Variants in TOX observed in about 807,000 individuals in gnomAD.
The protein encoded by TOX is thymocyte selection-associated high mobility group box protein TOX.
In TOX, 11 loss-of-function variants were observed where a neutral mutation model predicts 53.7. That is an observed-to-expected ratio of 0.20 (90% CI 0.13 to 0.34). The LOEUF (loss-of-function observed/expected upper bound fraction) is 0.34, where lower values mean the gene tolerates loss of function less well. TOX is among the 10% of genes least tolerant of loss of function. The probability of loss-of-function intolerance (pLI) is 1.00; values close to 1 mark genes in which losing one functional copy is unlikely to be tolerated. For synonymous variants in TOX, 225 were observed against 245.3 expected (o/e 0.92, Z 0.77); for missense variants, 570 against 664.6 (o/e 0.86, Z 1.56).
chr8:58,935,913 TACATATTTGTGG>T (rs1298709252), intron 3 of TOX, among the ~76,000 whole-genome samples: 1 of 152,230 alleles, frequency 6.6e-6, no homozygotes, highest in African/African-American at 2.4e-5. Context: ...TTTAGATCCA[TACATATTTGTGG>T]ATGCAAAAAT....
chr8:58,905,223 G>A (rs1295730832), intron 3 of TOX, among the ~76,000 whole-genome samples: 8 of 152,204 alleles, frequency 5.3e-5, no homozygotes, highest in African/African-American at 1.9e-4. Flanking sequence ...GAGCCACCGT[G>A]CCTGGCCCAA....
intron 2 of TOX, among the ~76,000 whole-genome samples, chr8:58,940,941 T>G (rs968396643): frequency 2.0e-5 from 3 of 152,194 alleles, no homozygotes; most frequent in African/African-American, 7.2e-5. Context: ...ATCTGGAATT[T>G]AGACCTGGTC....
intron 4 of TOX, among the ~76,000 whole-genome samples, chr8:58,841,837 TCAA>T (rs1346802468): frequency 1.3e-5 from 2 of 152,226 alleles, no homozygotes; most frequent in African/African-American, 2.4e-5. Flanking sequence ...TCATATTTCA[TCAA>T]CGATTGAGAG....
intron 3 of TOX, among the ~76,000 whole-genome samples, chr8:58,879,021 A>G (rs181868013): frequency 2.0e-5 from 3 of 150,146 alleles, no homozygotes; most frequent in Non-Finnish European, 2.9e-5. Flanking sequence ...AGATCATGCC[A>G]CTGCACTCCA....
In TOX at chr8:59,048,972, A is replaced by G. The variant is rs935396107; in HGVS notation, c.102+69914T>C. ...AATGTATTTTCGAAAAAATGTTCAA[A>G]TTTACTCAAAGACATTTAAAATTAG... On this transcript the variant is annotated intron_variant, in intron 1 of 8. Coordinates refer to ENST00000361421, the MANE Select transcript of TOX (RefSeq NM_014729.3). 7.9e-5 allele frequency among the ~76,000 whole-genome samples: 12 copies of G among 152,192 alleles called. 1 individual carries two copies. Among genetic ancestry groups the G allele is most frequent in the Admixed American group, 6.5e-4 (10 of 15,280 alleles).
intron 1 of TOX, among the ~76,000 whole-genome samples, chr8:59,115,743 C>T (rs1805088963): frequency 6.6e-6 from 1 of 152,152 alleles, no homozygotes; most frequent in Non-Finnish European, 1.5e-5. Context: ...ACATGCCATC[C>T]GTTCTGGCTG....
chr8:58,992,328 C>A (rs894023150), intron 1 of TOX, among the ~76,000 whole-genome samples: 20 of 152,074 alleles, frequency 1.3e-4, no homozygotes, highest in Non-Finnish European at 8.8e-5. Context: ...GCTTGCTGCA[C>A]GTAGAAATGC....
chr8:58,913,648 TA>T (rs1811947191), intron 3 of TOX, among the ~76,000 whole-genome samples: 1 of 152,234 alleles, frequency 6.6e-6, no homozygotes, highest in African/African-American at 2.4e-5. Flanking sequence ...GTCTGTTTCA[TA>T]AAATTTTTTA....
intron 3 of TOX, among the ~76,000 whole-genome samples, chr8:58,891,015 T>C (rs2129171880): frequency 6.6e-6 from 1 of 152,178 alleles, no homozygotes; most frequent in Middle Eastern, 3.4e-3. Flanking sequence ...TCTGAGGTGC[T>C]CCCTTCCTCT....
intron 1 of TOX, among the ~76,000 whole-genome samples, chr8:58,984,338 A>G (rs1355004253): frequency 6.6e-6 from 1 of 152,218 alleles, no homozygotes; most frequent in Non-Finnish European, 1.5e-5. Flanking sequence ...CAACCTGATT[A>G]GAAAATGGGT....
At chr8:58,997,988 T>G (rs1008930714) in intron 1 of TOX, among the ~76,000 whole-genome samples, 2 of 152,006 alleles carry the variant, frequency 1.3e-5, no homozygotes, top group Non-Finnish European at 2.9e-5. Flanking sequence ...GAGACGGGTT[T>G]TCACCATGTT....
chr8:58,961,789 G>A (rs900977729), intron 1 of TOX, among the ~76,000 whole-genome samples: 3 of 152,158 alleles, frequency 2.0e-5, no homozygotes, highest in Admixed American at 2.0e-4. Flanking sequence ...TTGCAGGCAT[G>A]AGCCACCATG....
intron 1 of TOX, among the ~76,000 whole-genome samples, chr8:58,990,185 G>A (rs1039547371): frequency 1.3e-5 from 2 of 152,204 alleles, no homozygotes; most frequent in Non-Finnish European, 2.9e-5. Context: ...CTGAGGCACA[G>A]AGCAGGTAAA....
chr8:59,084,523 A>T (rs1804474201), intron 1 of TOX, among the ~76,000 whole-genome samples: 2 of 152,208 alleles, frequency 1.3e-5, no homozygotes, highest in Admixed American at 6.5e-5. Flanking sequence ...CATTCTCGAT[A>T]TCTTTTACTT....
At chr8:59,069,021 T>C (rs371252938) in intron 1 of TOX, among the ~76,000 whole-genome samples, 5 of 152,098 alleles carry the variant, frequency 3.3e-5, no homozygotes, top group South Asian at 2.1e-4. Context: ...GCAAGGCTCA[T>C]GAAGGTTCAA....
At chr8:58,964,267 T>G (rs1308370661) in intron 1 of TOX, among the ~76,000 whole-genome samples, 2 of 152,184 alleles carry the variant, frequency 1.3e-5, no homozygotes, top group Admixed American at 6.5e-5. Flanking sequence ...ATGCCCTCTC[T>G]CCAAAGAATC....
chr8:58,969,115 G>A (rs1812955738), intron 1 of TOX, among the ~76,000 whole-genome samples: 1 of 152,114 alleles, frequency 6.6e-6, no homozygotes, highest in African/African-American at 2.4e-5. Flanking sequence ...TAGACTTTTG[G>A]TGATTAAACT....
chr8:59,072,590 C>T (rs1804216375), intron 1 of TOX, among the ~76,000 whole-genome samples: 1 of 152,198 alleles, frequency 6.6e-6, no homozygotes, highest in African/African-American at 2.4e-5. Context: ...TTCCCCTGAA[C>T]ATAGCCACGT....
chr8:59,050,421 T>C (rs995478681), intron 1 of TOX, among the ~76,000 whole-genome samples: 4 of 152,098 alleles, frequency 2.6e-5, no homozygotes, highest in African/African-American at 9.6e-5. Flanking sequence ...ACTCCACATA[T>C]GCCATTAACT....
Sources: gnomAD v4.1 joint callset for allele counts (sites outside exome capture counted in the v4.1 genomes callset) on GRCh38, gnomAD v4.1.1 for gene constraint, MANE v1.5 for transcripts, NCBI Gene and HGNC (gene_info 2026-07-23, HGNC 2026-07-21) for gene names.